SASH1: variants seen among roughly 807,000 people sequenced by gnomAD.
SASH1 encodes SAM and SH3 domain containing 1.
Under a neutral mutation model 125.2 loss-of-function variants are expected in SASH1, and 44 were observed. The ratio of observed to expected loss-of-function variants is 0.35; its 90% CI spans 0.28 to 0.45. The LOEUF (loss-of-function observed/expected upper bound fraction) is 0.45. Ranked by LOEUF, SASH1 falls within the 20% of genes least tolerant of loss-of-function variation. SASH1 has a pLI of 1.00. For missense variants in SASH1, 1,426 were observed against 1,614.5 expected, an observed-to-expected ratio of 0.88 and a Z score of 2.00; for synonymous variants, 639 against 649.1, an observed-to-expected ratio of 0.98 and a Z score of 0.24.
chr6:148,400,931 T>C (rs1258351837), intron 2 of SASH1, among the ~76,000 whole-genome samples: 2 of 151,958 alleles, frequency 1.3e-5, no homozygotes, highest in East Asian at 1.9e-4. Context: ...GAAAACAAGA[T>C]GGTAAAATGT....
chr6:148,548,058 G>A (rs893989686), intron 19 of SASH1, among the ~76,000 whole-genome samples: 4 of 152,080 alleles, frequency 2.6e-5, no homozygotes, highest in Non-Finnish European at 4.4e-5. Flanking sequence ...CACATAAATG[G>A]GATTTGACCT....
At chr6:148,208,684 A>G in the SASH1 span, among the ~76,000 whole-genome samples, 1 of 152,162 alleles carries the variant, frequency 6.6e-6, no homozygotes, top group Non-Finnish European at 1.5e-5. Context: ...TGTGAATTGG[A>G]GAAACTGTCT....
At chr6:148,467,289 G>A (rs1435137063) in intron 4 of SASH1, among the ~76,000 whole-genome samples, 1 of 151,990 alleles carries the variant, frequency 6.6e-6, no homozygotes, top group Non-Finnish European at 1.5e-5. Context: ...TAGAGACGGA[G>A]CTTTGCCATG....
At chr6:148,200,473 C>T in the SASH1 span, among the ~76,000 whole-genome samples, 3 of 152,150 alleles carry the variant, frequency 2.0e-5, no homozygotes, top group Admixed American at 1.3e-4. Context: ...GTGGCTTCGG[C>T]GACCTCTGCT....
At chr6:148,352,771 C>T (rs1444886622) in intron 1 of SASH1, among the ~76,000 whole-genome samples, 2 of 151,938 alleles carry the variant, frequency 1.3e-5, no homozygotes, top group Non-Finnish European at 2.9e-5. Context: ...GAGTTCAAGA[C>T]CGGCCTGGCC....
At chr6:148,246,835 G>T in the SASH1 span, among the ~76,000 whole-genome samples, 1 of 152,200 alleles carries the variant, frequency 6.6e-6, no homozygotes, top group African/African-American at 2.4e-5. Context: ...GAGTTTACTG[G>T]TATCCAAAGA....
chr6:148,312,003 C>A (rs1429820570), intron 1 of SASH1, among the ~76,000 whole-genome samples: 1 of 152,154 alleles, frequency 6.6e-6, no homozygotes, highest in East Asian at 1.9e-4. Flanking sequence ...CTGGATGCAT[C>A]TCAAATGCTT....
chr6:148,196,714 G>A, the SASH1 span, among the ~76,000 whole-genome samples: 1 of 152,210 alleles, frequency 6.6e-6, no homozygotes, highest in Non-Finnish European at 1.5e-5. Flanking sequence ...TGTGAGATAA[G>A]ACAAACATCC....
At chr6:148,461,999 A>C (rs1340886976) in intron 4 of SASH1, among the ~76,000 whole-genome samples, 1 of 152,074 alleles carries the variant, frequency 6.6e-6, no homozygotes, top group Non-Finnish European at 1.5e-5. Flanking sequence ...CCCCCTGTAC[A>C]TGCACAATTC....
At chr6:148,517,917 C>T (rs1464798910) in intron 9 of SASH1, among the ~76,000 whole-genome samples, 2 of 152,214 alleles carry the variant, frequency 1.3e-5, no homozygotes, top group Non-Finnish European at 2.9e-5. Context: ...GGCCTTTGTA[C>T]ATCTGCGTGG....
chr6:148,237,961 C>T, the SASH1 span, among the ~76,000 whole-genome samples: 1 of 152,170 alleles, frequency 6.6e-6, no homozygotes, highest in Non-Finnish European at 1.5e-5. Flanking sequence ...ACACCACCTA[C>T]ATAGGGTACC....
chr6:148,228,364 T>C, the SASH1 span, among the ~76,000 whole-genome samples: 1 of 152,186 alleles, frequency 6.6e-6, no homozygotes, highest in Non-Finnish European at 1.5e-5. Context: ...GAGACAAAAC[T>C]GTCAAAGAAA....
chr6:148,195,549 T>G, the SASH1 span, among the ~76,000 whole-genome samples: 1 of 152,214 alleles, frequency 6.6e-6, no homozygotes, highest in Admixed American at 6.5e-5. Flanking sequence ...TTGTCCAAAC[T>G]GCCATTTTGA....
the SASH1 span, among the ~76,000 whole-genome samples, chr6:148,249,336 G>GTT: frequency 5.7e-4 from 1 of 1,766 alleles, no homozygotes; most frequent in African/African-American, 3.5e-3. Context: ...GTGTGTGTGT[G>GTT]TGTGTGTGTG....
chr6:148,449,078 C>CTTTTTCTTTTTTTTTTCTTTTTTTTTTTT, intron 4 of SASH1, among the ~76,000 whole-genome samples: 2 of 88,734 alleles, frequency 2.3e-5, no homozygotes, highest in African/African-American at 4.3e-5. Flanking sequence ...CATTTCATTT[C>CTTTTTCTTTTTTTTTTCTTTTTTTTTTTT]TTTTTTTTTT....
At chr6:148,213,505 G>GGTGTGTGT in the SASH1 span, among the ~76,000 whole-genome samples, 459 of 148,450 alleles carry the variant, frequency 3.1e-3, 1 homozygote, top group Middle Eastern at 0.014. Context: ...CTAGCCAAAG[G>GGTGTGTGT]GTGTGTGTGT....
intron 1 of SASH1, among the ~76,000 whole-genome samples, chr6:148,365,062 G>T (rs1410274146): frequency 3.9e-5 from 6 of 151,920 alleles, no homozygotes; most frequent in Non-Finnish European, 7.4e-5. Context: ...GGCGGAGGTT[G>T]CAGTGAGCTG....
intron 1 of SASH1, among the ~76,000 whole-genome samples, chr6:148,279,622 AG>A (rs1779281385): frequency 2.6e-5 from 4 of 152,142 alleles, no homozygotes; most frequent in Admixed American, 2.6e-4. Flanking sequence ...CTTTTGCAAA[AG>A]GGTAAATTAG....
intron 1 of SASH1, among the ~76,000 whole-genome samples, chr6:148,368,772 A>ATG (rs1782589414): frequency 2.0e-5 from 2 of 97,596 alleles, no homozygotes; most frequent in South Asian, 6.8e-4. Context: ...ACGCGCGCGC[A>ATG]CACACACACA....
Sources: allele counts gnomAD v4.1 joint callset (sites outside exome capture counted in the v4.1 genomes callset), GRCh38; gene constraint gnomAD v4.1.1; transcripts MANE v1.5; gene names NCBI Gene and HGNC (gene_info 2026-07-23, HGNC 2026-07-21).